The following SOX5 variants were observed in gnomAD, a reference collection of about 807,000 sequenced individuals.
SOX5 encodes the protein transcription factor SOX-5.
Under a neutral mutation model 92.0 loss-of-function variants are expected in SOX5, and 9 were observed. The observed-to-expected ratio is 0.10, with a 90% CI of 0.06 to 0.17. The LOEUF (loss-of-function observed/expected upper bound fraction) is 0.17, where lower values mean the gene tolerates loss of function less well. Among genes scored for constraint, SOX5 ranks in the 10% least tolerant of loss-of-function variants. SOX5 has a pLI of 1.00. For missense variants in SOX5, 642 were observed against 944.5 expected (o/e 0.68, Z 4.20); for synonymous variants, 344 against 336.3 (o/e 1.02, Z -0.25).
chr12:23,642,592 T>C (rs2080219413), intron 7 of SOX5, among the ~76,000 whole-genome samples: 1 of 152,176 alleles, frequency 6.6e-6, no homozygotes, highest in Non-Finnish European at 1.5e-5. Flanking sequence ...AGAGAGCATG[T>C]AGGGAAGTGA....
intron 6 of SOX5, among the ~76,000 whole-genome samples, chr12:23,697,120 C>G (rs1025110757): frequency 2.6e-5 from 4 of 152,078 alleles, no homozygotes; most frequent in Non-Finnish European, 5.9e-5. Flanking sequence ...TCATTCAATT[C>G]TTAGTAATTT....
intron 1 of SOX5, among the ~76,000 whole-genome samples, chr12:24,490,084 T>A (rs772200447): frequency 1.3e-5 from 2 of 152,230 alleles, no homozygotes; most frequent in Admixed American, 1.3e-4. Context: ...GCAGACTTCA[T>A]ACATTCAGCG....
At chr12:23,799,481 A>G (rs776659750) in intron 3 of SOX5, among the ~76,000 whole-genome samples, 2 of 152,072 alleles carry the variant, frequency 1.3e-5, no homozygotes, top group Non-Finnish European at 1.5e-5. Context: ...CCCTACCCAT[A>G]GTGACTATAA....
intron 11 of SOX5, among the ~76,000 whole-genome samples, chr12:23,560,259 G>T (rs906845382): frequency 6.6e-6 from 1 of 152,154 alleles, no homozygotes; most frequent in African/African-American, 2.4e-5. Context: ...TGGGATTCAA[G>T]TGATATAAGA....
chr12:23,647,503 T>A (rs889276052), intron 7 of SOX5, among the ~76,000 whole-genome samples: 1 of 152,224 alleles, frequency 6.6e-6, no homozygotes, highest in Non-Finnish European at 1.5e-5. Context: ...ACTTGACTTG[T>A]CCTCTCTAGC....
chr12:23,947,546 A>G (rs1187937161), intron 1 of SOX5, among the ~76,000 whole-genome samples: 1 of 151,954 alleles, frequency 6.6e-6, no homozygotes, highest in African/African-American at 2.4e-5. Flanking sequence ...ACCAATTACA[A>G]CCACAGGGGA....
chr12:23,605,354 A>G (rs910273550), intron 8 of SOX5, among the ~76,000 whole-genome samples: 8 of 151,454 alleles, frequency 5.3e-5, no homozygotes, highest in Admixed American at 2.6e-4. Context: ...TCAAATATTT[A>G]ATTATTACTC....
intron 1 of SOX5, chr12:23,944,175 A>G (rs1595824023): frequency 1.3e-5 from 2 of 152,088 alleles, no homozygotes; most frequent in Non-Finnish European, 2.9e-5. Flanking sequence ...TCTCACCAGA[A>G]TTCTTCTAAA....
At chr12:23,892,179 T>G (rs951986180) in intron 2 of SOX5, among the ~76,000 whole-genome samples, 1 of 152,188 alleles carries the variant, frequency 6.6e-6, no homozygotes, top group Admixed American at 6.5e-5. Context: ...GAAATAATAA[T>G]GCAGTAACCA....
At chr12:23,577,174 C>CATATATAT (rs1420125655) in intron 9 of SOX5, among the ~76,000 whole-genome samples, 7 of 93,918 alleles carry the variant, frequency 7.5e-5, no homozygotes, top group South Asian at 3.7e-4. Context: ...CACACACACA[C>CATATATAT]ACATATATAT....
At chr12:23,946,334 C>T (rs528146898) in intron 1 of SOX5, among the ~76,000 whole-genome samples, 10 of 152,102 alleles carry the variant, frequency 6.6e-5, no homozygotes, top group African/African-American at 2.2e-4. Flanking sequence ...CTTACACTTG[C>T]TATTTAAGTT....
At chr12:24,071,571 A>AC (rs34733236) in intron 4 of SOX5, among the ~76,000 whole-genome samples, 36,501 of 151,890 alleles carry the variant, frequency 0.24, 4,720 homozygotes, top group Non-Finnish European at 0.29. Context: ...AGTAGCTGGG[A>AC]TACAGGCACC....
intron 8 of SOX5, among the ~76,000 whole-genome samples, chr12:23,630,540 T>C (rs1376728682): frequency 6.6e-6 from 1 of 152,032 alleles, no homozygotes; most frequent in Non-Finnish European, 1.5e-5. Flanking sequence ...CTTTAAGCAA[T>C]AACAAATAGT....
intron 8 of SOX5, 23 bp from the exon 9 acceptor site, chr12:23,604,556 G>A: frequency 6.2e-7 from 1 of 1,607,896 alleles, no homozygotes. Flanking sequence ...AAGAGAGAGA[G>A]GGAGAAAGAA....
At chr12:24,281,620 TTTG>T (rs1945211444) in intron 2 of SOX5, among the ~76,000 whole-genome samples, 1 of 152,234 alleles carries the variant, frequency 6.6e-6, no homozygotes, top group Non-Finnish European at 1.5e-5. Context: ...CCTGGTAGCT[TTTG>T]TTTTAGCTCT....
intron 11 of SOX5, among the ~76,000 whole-genome samples, chr12:23,559,863 T>C (rs1945881338): frequency 6.6e-6 from 1 of 152,174 alleles, no homozygotes; most frequent in African/African-American, 2.4e-5. Context: ...TTTATCTCTC[T>C]CACTCCTTAC....
Position 24,502,402 on chromosome 12 carries a change from AT to A in SOX5, c.-251+59926del, listed in dbSNP as rs544519513. 9.2e-4 allele frequency among the ~76,000 whole-genome samples: 140 copies of A among 152,344 alleles called. 4 individuals are homozygous for A. In the South Asian group the frequency reaches 0.022, roughly 24 times the overall value. On this transcript the variant is annotated intron_variant, in intron 1 of 4. Transcript: ENST00000446891. ...AAACTAAAACAATTTGATCAAAAAA[AT>A]ATTATTAGACCATAAACCATAACAC...
chr12:24,160,785 A>G (rs7313681), intron 4 of SOX5, among the ~76,000 whole-genome samples: 135,538 of 151,954 alleles, frequency 0.89, 60,594 homozygotes, highest in East Asian at 0.99. Context: ...GTAGCTTAAT[A>G]CAAAAAATTC....
intron 11 of SOX5, among the ~76,000 whole-genome samples, chr12:23,559,198 A>C (rs1374777303): frequency 6.6e-6 from 1 of 152,236 alleles, no homozygotes; most frequent in Non-Finnish European, 1.5e-5. Flanking sequence ...TCTATGAACA[A>C]AGTTGTGCCA....
Sources: allele counts gnomAD v4.1 joint callset (sites outside exome capture counted in the v4.1 genomes callset), GRCh38; gene constraint gnomAD v4.1.1; transcripts MANE v1.5; gene names NCBI Gene and HGNC (gene_info 2026-07-23, HGNC 2026-07-21).